ERG: variants seen among roughly 807,000 people sequenced by gnomAD.
ERG encodes ETS transcription factor ERG, also known as transcriptional regulator ERG.
ERG carries 9 observed loss-of-function variants against 55.3 expected under a neutral mutation model. That is an observed-to-expected ratio of 0.16 (90% CI 0.10 to 0.28). The LOEUF (loss-of-function observed/expected upper bound fraction) is 0.28, where lower values mean the gene tolerates loss of function less well. Among genes scored for constraint, ERG ranks in the 10% least tolerant of loss-of-function variants. The pLI is 1.00. For missense variants in ERG, 434 were observed against 631.6 expected, an observed-to-expected ratio of 0.69 and a Z score of 3.35; for synonymous variants, 223 against 237.3, an observed-to-expected ratio of 0.94 and a Z score of 0.55.
rs1360931106 is a variant in ERG at position 38,383,457 on chromosome 21, G to A, written c.1386C>T (p.Pro462=). The A allele has an allele frequency of 7.2e-6, 11 of 1,522,484 alleles. No individual in the cohort carries two copies. The highest frequency in any genetic ancestry group is 6.5e-5 in the Admixed American group (3 of 46,212). 94.3% of individuals were successfully genotyped at this position (1,522,484 alleles called of 1,614,324 possible). A position where few individuals can be genotyped will look rare whatever the true frequency, so the allele number is the denominator to read the frequency against. Residue 462 remains proline (P), a synonymous_variant, in exon 10 of 10, where the codon CCC becomes CCT. Transcript: ENST00000288319. This position sits in a 1 kb window ranked among gnomAD's most constrained non-coding sequence, Gnocchi z 5.7. ...TATGGCTGGTGGGGAGCCTAGTGTT[G>A]GGGTATATACCCCCAGTTGGTGAAT... The part of the protein sequence containing the change: ...YWNSPTGGIY[P]NTRLPTSHMP...
chr21:38,544,407 C>T (rs1368364767), intron 2 of ERG, among the ~76,000 whole-genome samples: 1 of 152,140 alleles, frequency 6.6e-6, no homozygotes, highest in Admixed American at 6.5e-5. Flanking sequence ...ATTAGGAAAG[C>T]AGAGTCATGA....
intron 1 of ERG, among the ~76,000 whole-genome samples, chr21:38,606,192 A>G (rs1199894498): frequency 6.6e-6 from 1 of 152,168 alleles, no homozygotes; most frequent in Non-Finnish European, 1.5e-5. Context: ...ACTGATAGAT[A>G]GTAGATAGGT....
intron 2 of ERG, among the ~76,000 whole-genome samples, chr21:38,523,124 G>A (rs2059606557): frequency 6.6e-6 from 1 of 152,140 alleles, no homozygotes; most frequent in South Asian, 2.1e-4. Flanking sequence ...CCATTGGATT[G>A]AATGCTTCCA....
intron 2 of ERG, among the ~76,000 whole-genome samples, chr21:38,564,007 A>C (rs985320116): frequency 7.9e-5 from 12 of 152,094 alleles, no homozygotes; most frequent in African/African-American, 2.4e-4. Flanking sequence ...TGATTGGTTT[A>C]TGCCCCTTTC....
intron 2 of ERG, among the ~76,000 whole-genome samples, chr21:38,572,549 A>G (rs901922895): frequency 6.6e-6 from 1 of 152,274 alleles, no homozygotes; most frequent in Admixed American, 6.5e-5. Flanking sequence ...CCAATTTCAT[A>G]TGCAGAAAAA....
At chr21:38,423,064 CTCTG>C (rs1240991207) in intron 3 of ERG, among the ~76,000 whole-genome samples, 2 of 150,124 alleles carry the variant, frequency 1.3e-5, no homozygotes, top group Non-Finnish European at 3.0e-5. Flanking sequence ...TCCTCTTTCT[CTCTG>C]TCTCTCTCCA....
chr21:38,371,071 C>T, the ERG span, among the ~76,000 whole-genome samples: 10 of 151,866 alleles, frequency 6.6e-5, no homozygotes, highest in East Asian at 5.8e-4. Flanking sequence ...CATTTGCTTA[C>T]GTTGTCTTTA....
At chr21:38,387,076 GA>G (rs367605254) in intron 9 of ERG, among the ~76,000 whole-genome samples, 10,742 of 150,638 alleles carry the variant, frequency 0.071, 464 homozygotes, top group African/African-American at 0.11. Flanking sequence ...AAAAAAGGGG[GA>G]AAAAAAAACT....
At chr21:38,417,050 TCA>T (rs1989312544) in intron 3 of ERG, among the ~76,000 whole-genome samples, 1 of 152,226 alleles carries the variant, frequency 6.6e-6, no homozygotes, top group African/African-American at 2.4e-5. Flanking sequence ...GAGCTCTCAA[TCA>T]CACCTTCTCC....
chr21:38,624,321 A>G (rs1195990716), intron 1 of ERG, among the ~76,000 whole-genome samples: 8 of 152,188 alleles, frequency 5.3e-5, no homozygotes, highest in African/African-American at 1.9e-4. Context: ...GAGGGAGAGC[A>G]TTAGGACAAA....
At position 38,390,981 on chromosome 21, in the gene ERG, C is replaced by T. The variant is rs748037808; in HGVS notation, c.919+14G>A. 2.5e-6 allele frequency: 4 copies of T among 1,607,824 alleles called. No homozygotes were observed. The East Asian group carries it at 8.9e-5, about 36-fold the overall frequency. ...AGTAATTTTGTAAGAAGAAAATCAT[C>T]AGCAGTTTCTCACCTGGATTTGCAA... On this transcript the variant is annotated intron_variant, in intron 9 of 9. Transcript: ENST00000288319.
chr21:38,645,190 AC>A lies in ERG; in HGVS notation c.-150+16467del, dbSNP rs200811753. On this transcript the variant is annotated intron_variant, in intron 1 of 10. Transcript: ENST00000398910. ...AAATAAACGATTTTAAAAATTTTAAACCCTTAAAAATAAGTAAATAATAAAT... is the reference window on the plus strand; with the variant it reads ...AAATAAACGATTTTAAAAATTTTAAACCTTAAAAATAAGTAAATAATAAAT... 1.5e-4 allele frequency among the ~76,000 whole-genome samples: 23 copies of A among 152,234 alleles called. No individual in the cohort carries two copies. In the East Asian group the frequency reaches 4.2e-3, roughly 28 times the overall value.
At chr21:38,486,376 T>C (rs150985837) in intron 1 of ERG, among the ~76,000 whole-genome samples, 1 of 152,340 alleles carries the variant, frequency 6.6e-6, no homozygotes, top group East Asian at 1.9e-4. Flanking sequence ...TTATAGCCTG[T>C]AGCCTACGTG....
At chr21:38,643,388 A>G (rs1040810277) in intron 1 of ERG, among the ~76,000 whole-genome samples, 2 of 152,178 alleles carry the variant, frequency 1.3e-5, no homozygotes, top group Non-Finnish European at 2.9e-5. Flanking sequence ...CGTGCACCCC[A>G]TGACACTCGC....
upstream of ERG, among the ~76,000 whole-genome samples, chr21:38,501,001 T>C (rs1482255343): frequency 1.3e-5 from 2 of 151,636 alleles, no homozygotes; most frequent in Admixed American, 6.6e-5. Flanking sequence ...TGGTAATCTC[T>C]GACTATTTAA....
chr21:38,623,570 A>G (rs1036732551), intron 1 of ERG, among the ~76,000 whole-genome samples: 1 of 152,202 alleles, frequency 6.6e-6, no homozygotes, highest in Admixed American at 6.5e-5. Context: ...GGAATAACAC[A>G]GTATATTTTC....
intron 1 of ERG, among the ~76,000 whole-genome samples, chr21:38,608,631 G>A (rs977823690): frequency 6.6e-6 from 1 of 152,172 alleles, no homozygotes; most frequent in Non-Finnish European, 1.5e-5. Flanking sequence ...TTAGTGGCCA[G>A]GACCTAAAGC....
At chr21:38,571,455 G>A (rs1202412282) in intron 2 of ERG, among the ~76,000 whole-genome samples, 1 of 151,822 alleles carries the variant, frequency 6.6e-6, no homozygotes, top group Non-Finnish European at 1.5e-5. Flanking sequence ...AGGCTGCAGT[G>A]AGCCATAATC....
the ERG span, among the ~76,000 whole-genome samples, chr21:38,374,261 T>A: frequency 6.6e-6 from 1 of 152,246 alleles, no homozygotes; most frequent in Non-Finnish European, 1.5e-5. Flanking sequence ...ACAGATATTC[T>A]GCTTTGCCAG....
Sources: allele counts gnomAD v4.1 joint callset (sites outside exome capture counted in the v4.1 genomes callset), GRCh38; gene constraint gnomAD v4.1.1; non-coding constraint Gnocchi (gnomAD v3.1); transcripts MANE v1.5; gene names NCBI Gene and HGNC (gene_info 2026-07-23, HGNC 2026-07-21).